Variants in P3H1 observed in about 807,000 individuals in gnomAD.
The protein encoded by P3H1 is growth suppressor 1.
A neutral mutation model predicts 84.0 loss-of-function variants in P3H1; 69 were observed. The ratio of observed to expected loss-of-function variants is 0.82; its 90% confidence interval spans 0.68 to 1.00. The LOEUF (loss-of-function observed/expected upper bound fraction) is 1.00, where lower values mean the gene tolerates loss of function less well. Ranked by LOEUF, P3H1 falls within the 50% of genes least tolerant of loss-of-function variation. The pLI, the probability that P3H1 is intolerant of heterozygous loss-of-function variation, is 0.00. For synonymous variants in P3H1, 366 were observed against 388.8 expected, an observed-to-expected ratio of 0.94 and a Z score of 0.69; for missense variants, 878 against 962.8, an observed-to-expected ratio of 0.91 and a Z score of 1.17.
chr1:42,755,368 C>T, intron 6 of P3H1, 151 bp from the exon 7 acceptor site: 3 of 949,722 alleles, frequency 3.2e-6, no homozygotes, highest in Non-Finnish European at 5.1e-6. Flanking sequence ...ATCTAAGTCC[C>T]TTCTAGCTGC....
chr1:42,758,095 G>A (rs1323785924), intron 4 of P3H1, 173 bp from the exon 5 acceptor site: 1 of 722,912 alleles, frequency 1.4e-6, no homozygotes, highest in African/African-American at 1.7e-5. Flanking sequence ...CAGGAGTTAA[G>A]TAATACACAT....
chr1:42,757,682 T>C lies in P3H1; in HGVS notation c.1080+101A>G. On this transcript the variant is annotated intron_variant, in intron 5 of 14. Transcript: ENST00000296388. ...GGCCCCAACACTGACATCTGGCCCC[T>C]GCCCTGCACGCACAGCGCCTACTCC... The C allele has an allele frequency of 3.2e-6, 5 of 1,563,722 alleles. No individual in the cohort carries two copies. In the South Asian group the frequency reaches 4.5e-5, roughly 14 times the overall value.
chr1:42,747,560 G>T, intron 13 of P3H1, 148 bp from the exon 14 acceptor site: 1 of 1,100,182 alleles, frequency 9.1e-7, no homozygotes, highest in Non-Finnish European at 1.4e-6. Context: ...AAGGGTGACT[G>T]GTTAGAGGAG....
intron 13 of P3H1, 119 bp downstream of exon 13, chr1:42,747,604 G>C: frequency 8.4e-7 from 1 of 1,195,910 alleles, no homozygotes; most frequent in Non-Finnish European, 1.3e-6. Flanking sequence ...TCTGGATGGG[G>C]GAAGGGTACC....
At chr1:42,762,171 C>T (rs1570479010) in intron 2 of P3H1, 152 bp downstream of exon 2, 12 of 736,254 alleles carry the variant, frequency 1.6e-5, no homozygotes, top group South Asian at 8.0e-5. Context: ...CTCAGGAGGC[C>T]GAGACTAGAG....
chr1:42,749,840 A>G (rs1651932042), intron 11 of P3H1: 1 of 270,138 alleles, frequency 3.7e-6, no homozygotes, highest in Admixed American at 4.7e-5. Flanking sequence ...GCAGCGAGGG[A>G]GCTGCTCAGC....
chr1:42,747,103 C>A, intron 14 of P3H1, 169 bp downstream of exon 14: 2 of 1,614,210 alleles, frequency 1.2e-6, no homozygotes, highest in Non-Finnish European at 1.7e-6. Context: ...CCAGGGAGGA[C>A]AAGGCAATGT....
At chr1:42,757,574 T>C (rs1426721415) in intron 5 of P3H1, among the ~76,000 whole-genome samples, 1 of 152,174 alleles carries the variant, frequency 6.6e-6, no homozygotes, top group Non-Finnish European at 1.5e-5. Context: ...TAACGCTAAT[T>C]GAGGCTCCTG....
At chr1:42,749,221 G>A (rs1470501261) in intron 11 of P3H1, among the ~76,000 whole-genome samples, 2 of 152,256 alleles carry the variant, frequency 1.3e-5, no homozygotes, top group East Asian at 1.9e-4. Context: ...CCGGGGGCTT[G>A]TGACACACCC....
At chr1:42,763,847 C>T (rs541046625) in intron 1 of P3H1, among the ~76,000 whole-genome samples, 31 of 151,988 alleles carry the variant, frequency 2.0e-4, no homozygotes, top group African/African-American at 7.2e-4. Context: ...ACACTGGTAT[C>T]AAAGAGACCA....
chr1:42,766,545 G>T lies in P3H1; in HGVS notation c.427C>A (p.Arg143=), dbSNP rs763642310. 6.2e-7 allele frequency: 1 copy of T among 1,612,236 alleles called. No individual in the cohort carries two copies. Among genetic ancestry groups the T allele is most frequent in the African/African-American group, 1.3e-5 (1 of 75,056 alleles). Residue 143 remains arginine (R), a synonymous_variant, in exon 1 of 15, where the codon CGG becomes AGG. Transcript: ENST00000296388. ...SEEMELEFRK[R]SPYNYLQVAY... ...ACCTGCAGGTAGTTGTAGGGGCTCCGCTTGCGGAACTCCAGCTCCATCTCT... is the reference window on the plus strand; with the variant it reads ...ACCTGCAGGTAGTTGTAGGGGCTCCTCTTGCGGAACTCCAGCTCCATCTCT...
In P3H1 at chr1:42,752,639, G is replaced by C. The variant is rs964500877; in HGVS notation, c.1371C>G (p.Ile457Met). 7 of 1,614,074 alleles carry C rather than the reference G, an allele frequency of 4.3e-6. No homozygotes were observed. Among genetic ancestry groups the C allele is most frequent in the African/African-American group, 2.7e-5 (2 of 74,920 alleles). ...GGAGTTTGGAGTTCATGGTGAGACT[G>C]ATGCCTTCATACAGCAGGGGGCCAC... is the stretch of plus-strand genomic sequence containing the variant. ...REGGPLLYEG[I>M]SLTMNSKLLN... is the part of the protein sequence containing the mutation. The change falls in exon 9 of 15, where the codon ATC (isoleucine) becomes ATG (methionine). Residue 457 changes from isoleucine to methionine, a missense_variant. Transcript: ENST00000296388.
chr1:42,763,998 C>T (rs1481272913), intron 1 of P3H1, among the ~76,000 whole-genome samples: 1 of 151,890 alleles, frequency 6.6e-6, no homozygotes, highest in East Asian at 1.9e-4. Context: ...GGCGTGGTGG[C>T]ATGTGCCTGT....
intron 1 of P3H1, among the ~76,000 whole-genome samples, chr1:42,763,591 G>A (rs1194082572): frequency 1.4e-5 from 2 of 139,246 alleles, no homozygotes; most frequent in South Asian, 2.4e-4. Context: ...AGAATCGCTT[G>A]AACCCGGGAG....
chr1:42,748,100 C>T (rs935295142), intron 12 of P3H1, 100 bp downstream of exon 12: 13 of 872,058 alleles, frequency 1.5e-5, no homozygotes, highest in African/African-American at 3.3e-5. Context: ...CTAGCCCCAA[C>T]CAGTGTGTGT....
At chr1:42,748,347 G>T in intron 11 of P3H1, 30 bp from the exon 12 acceptor site, 1 of 1,517,260 alleles carries the variant, frequency 6.6e-7, no homozygotes, top group Non-Finnish European at 9.1e-7. Flanking sequence ...TGTTAGCAAG[G>T]GAGCACCTCG....
At position 42,752,205 on chromosome 1, in the gene P3H1, C is replaced by T. The variant is rs41269515; in HGVS notation, c.1569+69G>A. 6,226 of 1,349,048 alleles carry T rather than the reference C, an allele frequency of 4.6e-3. 27 individuals are homozygous for T. The highest frequency in any genetic ancestry group is 5.6e-3 in the Non-Finnish European group (5,229 of 939,808). 83.6% of individuals were successfully genotyped at this position (1,349,048 alleles called of 1,614,324 possible). A position where few individuals can be genotyped will look rare whatever the true frequency, so the allele number is the denominator to read the frequency against. On this transcript the variant is annotated intron_variant, in intron 10 of 14. Coordinates refer to ENST00000296388, the MANE Select transcript of P3H1 (RefSeq NM_022356.4). ...TTCCTGCCACCAGCCCCAACTCTTC[C>T]TCAAAGCCTGAGCTTCCCCCTTCCC...
rs756652599 is a variant in P3H1 at position 42,766,762 on chromosome 1, G to A, written c.210C>T (p.Ala70=). 7.5e-6 allele frequency: 12 copies of A among 1,591,314 alleles called. No individual in the cohort carries two copies. The highest frequency in any genetic ancestry group is 7.7e-6 in the Non-Finnish European group (9 of 1,171,978). The change falls in exon 1 of 15, where the codon GCC becomes GCT. Residue 70 remains alanine, a synonymous_variant. Coordinates refer to ENST00000296388, the MANE Select transcript of P3H1 (RefSeq NM_022356.4). ...RALRSRAALR[A]LRLRCRTQCA... Reference sequence around the variant, plus strand: ...ACTGGGTGCGGCAGCGCAGGCGAAGGGCGCGGAGGGCTGCCCGGGAGCGCA... The same window carrying A: ...ACTGGGTGCGGCAGCGCAGGCGAAGAGCGCGGAGGGCTGCCCGGGAGCGCA...
At chr1:42,749,944 G>T in intron 11 of P3H1, 1 of 540,782 alleles carries the variant, frequency 1.8e-6, no homozygotes, top group South Asian at 2.1e-5. Context: ...GTGACGGGTG[G>T]CCCCCTTTCT....
Sources: allele counts gnomAD v4.1 joint callset (sites outside exome capture counted in the v4.1 genomes callset), GRCh38; gene constraint gnomAD v4.1.1; transcripts MANE v1.5; gene names NCBI Gene and HGNC (gene_info 2026-07-23, HGNC 2026-07-21).